FNDC3A: variants seen among roughly 807,000 people sequenced by gnomAD.
The protein encoded by FNDC3A is fibronectin type III domain containing 3A.
In FNDC3A, 32 loss-of-function variants were observed where a neutral mutation model predicts 148.9. The observed-to-expected ratio is 0.21, with a 90% confidence interval of 0.16 to 0.29. FNDC3A has a LOEUF of 0.29. Ranked by LOEUF, FNDC3A falls within the 10% of genes least tolerant of loss-of-function variation. The pLI, the probability that FNDC3A is intolerant of heterozygous loss-of-function variation, is 1.00. For synonymous variants in FNDC3A, 472 were observed against 473.6 expected (o/e 1.00, Z 0.04); for missense variants, 1,191 against 1,452.8 (o/e 0.82, Z 2.93).
intron 13 of FNDC3A, among the ~76,000 whole-genome samples, chr13:49,176,944 G>A (rs1885061304): frequency 6.6e-6 from 1 of 152,114 alleles, no homozygotes; most frequent in Admixed American, 6.5e-5. Flanking sequence ...GGGACTACAG[G>A]CACATGCCAC....
At chr13:49,030,963 T>G (rs1208248438) in intron 2 of FNDC3A, among the ~76,000 whole-genome samples, 2 of 152,156 alleles carry the variant, frequency 1.3e-5, no homozygotes, top group Non-Finnish European at 2.9e-5. Context: ...CCTCCCAAAT[T>G]CCCAGCTTAC....
chr13:49,034,134 A>G (rs1874327863), intron 2 of FNDC3A, among the ~76,000 whole-genome samples: 1 of 152,022 alleles, frequency 6.6e-6, no homozygotes, highest in African/African-American at 2.4e-5. Context: ...GTATATTTAG[A>G]GTTTTTATAA....
chr13:49,016,120 G>A (rs1178812322), intron 2 of FNDC3A, among the ~76,000 whole-genome samples: 3 of 152,222 alleles, frequency 2.0e-5, no homozygotes, highest in Admixed American at 1.3e-4. Context: ...GGCCTCATAA[G>A]ATGAGTTAGG....
At chr13:49,100,284 G>A (rs1006911631) in intron 3 of FNDC3A, among the ~76,000 whole-genome samples, 4 of 152,022 alleles carry the variant, frequency 2.6e-5, no homozygotes, top group African/African-American at 4.8e-5. Flanking sequence ...CATACCAAAT[G>A]ATGTATTTTT....
chr13:49,134,832 A>T (rs1045875702), intron 5 of FNDC3A, among the ~76,000 whole-genome samples: 8 of 2,960 alleles, frequency 2.7e-3, no homozygotes, highest in South Asian at 8.2e-3. Context: ...TTTGAGATGG[A>T]GTTTCACTCT....
intron 22 of FNDC3A, 45 bp downstream of exon 22, chr13:49,198,310 C>T (rs368358911): frequency 2.0e-4 from 321 of 1,610,432 alleles, no homozygotes; most frequent in Non-Finnish European, 2.1e-4. Context: ...ACCAGAGAGA[C>T]GCTTTAAATA....
intron 13 of FNDC3A, among the ~76,000 whole-genome samples, chr13:49,177,494 G>A (rs775019213): frequency 1.3e-5 from 2 of 151,986 alleles, no homozygotes; most frequent in Non-Finnish European, 2.9e-5. Context: ...TACTTTGAAG[G>A]AATATGGGTC....
chr13:49,030,313 T>C (rs1172995202), intron 2 of FNDC3A, among the ~76,000 whole-genome samples: 1 of 152,132 alleles, frequency 6.6e-6, no homozygotes, highest in African/African-American at 2.4e-5. Flanking sequence ...TTGACAAAAT[T>C]CAACACTTTT....
At chr13:49,019,411 C>T (rs919289571) in intron 2 of FNDC3A, among the ~76,000 whole-genome samples, 9 of 152,216 alleles carry the variant, frequency 5.9e-5, no homozygotes, top group Non-Finnish European at 1.2e-4. Flanking sequence ...AAGGGAACTC[C>T]CTGACCCCTT....
chr13:49,056,446 A>G (rs1039673441), intron 2 of FNDC3A, among the ~76,000 whole-genome samples: 7 of 152,080 alleles, frequency 4.6e-5, no homozygotes, highest in Non-Finnish European at 7.4e-5. Flanking sequence ...TGATTTCTTT[A>G]TTCATCTAGA....
At chr13:49,117,457 C>G (rs773439099) in intron 4 of FNDC3A, among the ~76,000 whole-genome samples, 44 of 152,216 alleles carry the variant, frequency 2.9e-4, no homozygotes, top group Non-Finnish European at 4.4e-4. Flanking sequence ...TAAAATTCTA[C>G]CCATCCTTGA....
At chr13:49,068,872 G>T (rs1416212724) in intron 2 of FNDC3A, among the ~76,000 whole-genome samples, 1 of 152,160 alleles carries the variant, frequency 6.6e-6, no homozygotes, top group East Asian at 1.9e-4. Flanking sequence ...TGGACATAAA[G>T]AGGGGAACAA....
intron 3 of FNDC3A, among the ~76,000 whole-genome samples, chr13:49,101,932 T>A (rs964495367): frequency 2.6e-5 from 4 of 151,974 alleles, no homozygotes; most frequent in Admixed American, 6.6e-5. Context: ...ATTTTAATCA[T>A]GTTTCAGCTT....
Position 49,136,567 on chromosome 13 carries a change from G to A in FNDC3A, c.726G>A (p.Gly242=). Residue 242 remains glycine (G), a synonymous_variant, in exon 6 of 26, where the codon GGG becomes GGA. Coordinates refer to ENST00000492622, the MANE Select transcript of FNDC3A (RefSeq NM_001079673.2). The part of the protein sequence containing the change: ...TGSAKIKSGK[G]KGGTQVDTEI... Reference sequence around the variant, plus strand: ...CAGCAAAAATCAAGTCTGGGAAGGGGAAAGGTGGTACACAAGTTGATACAG... The same window carrying A: ...CAGCAAAAATCAAGTCTGGGAAGGGAAAAGGTGGTACACAAGTTGATACAG... 2 of 1,613,944 alleles carry A rather than the reference G, an allele frequency of 1.2e-6. No homozygotes were observed. Among genetic ancestry groups the A allele is most frequent in the South Asian group, 2.2e-5 (2 of 91,078 alleles).
At chr13:48,982,502 A>T (rs1278585076) in intron 1 of FNDC3A, among the ~76,000 whole-genome samples, 1 of 152,162 alleles carries the variant, frequency 6.6e-6, no homozygotes. Context: ...ACCTTACTAA[A>T]ACTGGCCTAG....
At chr13:49,060,993 A>G (rs952631253) in intron 2 of FNDC3A, among the ~76,000 whole-genome samples, 11 of 152,192 alleles carry the variant, frequency 7.2e-5, no homozygotes, top group African/African-American at 2.7e-4. Flanking sequence ...ATTTTATGTT[A>G]TATGAATTTC....
intron 7 of FNDC3A, among the ~76,000 whole-genome samples, chr13:49,140,929 T>C (rs1882652861): frequency 6.6e-6 from 1 of 152,198 alleles, no homozygotes; most frequent in South Asian, 2.1e-4. Flanking sequence ...AAGTAGTGGT[T>C]GGGCATTGAG....
chr13:49,130,978 C>T (rs1294582465), intron 4 of FNDC3A, among the ~76,000 whole-genome samples, 159 bp from the exon 5 acceptor site: 1 of 152,092 alleles, frequency 6.6e-6, no homozygotes, highest in Non-Finnish European at 1.5e-5. Flanking sequence ...GTTGTCCAGG[C>T]TGTTCTCGAA....
At chr13:49,136,680 T>G in intron 6 of FNDC3A, 79 bp downstream of exon 6, 1 of 1,401,140 alleles carries the variant, frequency 7.1e-7, no homozygotes, top group Non-Finnish European at 9.8e-7. Context: ...TTCTAACCTT[T>G]CAGTCATTTT....
Sources: allele counts gnomAD v4.1 joint callset (sites outside exome capture counted in the v4.1 genomes callset), GRCh38; gene constraint gnomAD v4.1.1; transcripts MANE v1.5; gene names NCBI Gene and HGNC (gene_info 2026-07-23, HGNC 2026-07-21).